PDE3B: variants seen among roughly 807,000 people sequenced by gnomAD.
PDE3B encodes the protein phosphodiesterase 3B.
Under a neutral mutation model 116.8 loss-of-function variants are expected in PDE3B, and 66 were observed. The observed-to-expected ratio is 0.56, with a 90% CI of 0.46 to 0.69. The LOEUF (loss-of-function observed/expected upper bound fraction) is 0.69. PDE3B is among the 30% of genes least tolerant of loss of function. PDE3B has a pLI of 0.00. For synonymous variants in PDE3B, 595 were observed against 533.6 expected (o/e 1.12, Z -1.59); for missense variants, 1,384 against 1,368.1 (o/e 1.01, Z -0.18).
the PDE3B span, among the ~76,000 whole-genome samples, chr11:14,895,377 CTT>C: frequency 3.7e-3 from 560 of 152,282 alleles, 6 homozygotes; most frequent in African/African-American, 0.013. Context: ...AATTTGATGT[CTT>C]GTTCGTAATG....
At chr11:14,804,450 T>C (rs970676024) in intron 5 of PDE3B, among the ~76,000 whole-genome samples, 3 of 151,940 alleles carry the variant, frequency 2.0e-5, no homozygotes, top group African/African-American at 7.2e-5. Flanking sequence ...AAAAACATTA[T>C]GATAGGAATT....
intron 1 of PDE3B, among the ~76,000 whole-genome samples, chr11:14,677,797 C>T (rs924767144): frequency 3.9e-5 from 6 of 152,146 alleles, no homozygotes; most frequent in Admixed American, 6.5e-5. Flanking sequence ...AGCATGTAAC[C>T]TTTTGAGACT....
At chr11:14,683,445 T>A (rs937562680) in intron 1 of PDE3B, among the ~76,000 whole-genome samples, 10 of 152,178 alleles carry the variant, frequency 6.6e-5, no homozygotes, top group Admixed American at 6.5e-4. Context: ...TCATCTAAGT[T>A]ACTGAATTTA....
chr11:14,824,218 G>A (rs1188041399), intron 7 of PDE3B, among the ~76,000 whole-genome samples: 1 of 152,176 alleles, frequency 6.6e-6, no homozygotes, highest in Non-Finnish European at 1.5e-5. Flanking sequence ...AAGAACCAAT[G>A]CAAGAACTCC....
At chr11:14,847,414 C>T (rs1354748978) in intron 12 of PDE3B, among the ~76,000 whole-genome samples, 1 of 151,458 alleles carries the variant, frequency 6.6e-6, no homozygotes, top group East Asian at 1.9e-4. Flanking sequence ...GACACCCTAA[C>T]ATCACAATTA....
At chr11:14,828,184 G>T (rs923387621) in intron 7 of PDE3B, among the ~76,000 whole-genome samples, 1 of 152,158 alleles carries the variant, frequency 6.6e-6, no homozygotes, top group Admixed American at 6.5e-5. Context: ...ATGGTTTAAA[G>T]ACTTAAATGT....
At chr11:14,649,999 G>A (rs1416774372) in intron 1 of PDE3B, among the ~76,000 whole-genome samples, 1 of 151,106 alleles carries the variant, frequency 6.6e-6, no homozygotes, top group African/African-American at 2.4e-5. Context: ...ACTTATTTAG[G>A]TTGTTGTTAT....
At chr11:14,766,857 A>G (rs1400938423) in intron 1 of PDE3B, among the ~76,000 whole-genome samples, 1 of 151,754 alleles carries the variant, frequency 6.6e-6, no homozygotes, top group Non-Finnish European at 1.5e-5. Flanking sequence ...GTTTTGTAGT[A>G]TGAATTTTTC....
At chr11:14,671,286 A>T (rs1854358690) in intron 1 of PDE3B, among the ~76,000 whole-genome samples, 1 of 152,168 alleles carries the variant, frequency 6.6e-6, no homozygotes, top group Non-Finnish European at 1.5e-5. Context: ...AGGAAGGGAA[A>T]GCCTCTCTGA....
At chr11:14,658,016 G>A (rs1407536997) in intron 1 of PDE3B, among the ~76,000 whole-genome samples, 1 of 152,160 alleles carries the variant, frequency 6.6e-6, no homozygotes, top group African/African-American at 2.4e-5. Flanking sequence ...AATAGGACCA[G>A]GAACATTTTC....
chr11:14,684,690 G>T (rs1424603793), intron 1 of PDE3B, among the ~76,000 whole-genome samples: 1 of 152,110 alleles, frequency 6.6e-6, no homozygotes, highest in African/African-American at 2.4e-5. Context: ...TAAGACACTT[G>T]CAGAGCAGCG....
chr11:14,891,646 C>T, the PDE3B span: 5 of 1,148,434 alleles, frequency 4.4e-6, no homozygotes, highest in Non-Finnish European at 5.4e-6. Context: ...ATGCGTCCAC[C>T]CTGGACCTGA....
chr11:14,835,025 G>C lies in PDE3B; in HGVS notation c.2250G>C (p.Trp750Cys). The C allele has an allele frequency of 6.2e-7, 1 of 1,613,376 alleles. No homozygotes were observed. Among genetic ancestry groups the C allele is most frequent in the Non-Finnish European group, 8.5e-7 (1 of 1,179,584 alleles). ...CCACAGATGTGCTACATGCAGTTTGGTATCTGACAACACGGCCAGTTCCTG... is the reference window on the plus strand; with the variant it reads ...CCACAGATGTGCTACATGCAGTTTGCTATCTGACAACACGGCCAGTTCCTG... ...IHATDVLHAV[W>C]YLTTRPVPGL... Residue 750 changes from tryptophan (W) to cysteine (C), a missense_variant, in exon 11 of 16, where the codon TGG becomes TGC. Physicochemically the swap from Trp to Cys is radical, Grantham distance 215. This residue lies in a region of PDE3B where 428 missense variants were observed against 561.4 expected (regional missense o/e 0.76). Coordinates refer to ENST00000282096, the MANE Select transcript of PDE3B (RefSeq NM_000922.4).
rs537258508 is a variant in PDE3B at position 14,765,506 on chromosome 11, G to T, written c.979-6431G>T. Among the ~76,000 whole-genome samples, 17 of 151,894 alleles carry T rather than the reference G, an allele frequency of 1.1e-4. No homozygotes were observed. The South Asian group carries it at 3.3e-3, about 30-fold the overall frequency. On this transcript the variant is annotated intron_variant, in intron 1 of 15. Transcript: ENST00000282096. Reference sequence around the variant, plus strand: ...AAAGAAAAAATGAATGTAAATAAAGGTGCAGTCTTGGGTACACCTAGATCA... The same window carrying T: ...AAAGAAAAAATGAATGTAAATAAAGTTGCAGTCTTGGGTACACCTAGATCA...
At chr11:14,711,614 C>A (rs1855704837) in intron 1 of PDE3B, among the ~76,000 whole-genome samples, 1 of 152,078 alleles carries the variant, frequency 6.6e-6, no homozygotes, top group Non-Finnish European at 1.5e-5. Context: ...ACAATCATAT[C>A]TCAAGAGAAC....
At chr11:14,697,234 G>C (rs1855232696) in intron 1 of PDE3B, among the ~76,000 whole-genome samples, 1 of 152,032 alleles carries the variant, frequency 6.6e-6, no homozygotes, top group African/African-American at 2.4e-5. Context: ...CACCACACCT[G>C]GCTACCTTTC....
chr11:14,876,707 A>G (rs1848193069), downstream of PDE3B, among the ~76,000 whole-genome samples: 1 of 152,176 alleles, frequency 6.6e-6, no homozygotes. Context: ...CTTTCTCTGT[A>G]TGGAGGTGAG....
At chr11:14,836,576 A>C (rs1860062575) in intron 11 of PDE3B, among the ~76,000 whole-genome samples, 1 of 152,192 alleles carries the variant, frequency 6.6e-6, no homozygotes, top group African/African-American at 2.4e-5. Context: ...TCTAGGTGCC[A>C]AAAGTCTGTA....
At chr11:14,715,821 T>C (rs1448554638) in intron 1 of PDE3B, among the ~76,000 whole-genome samples, 2 of 152,168 alleles carry the variant, frequency 1.3e-5, no homozygotes, top group Admixed American at 1.3e-4. Flanking sequence ...AGAGAGGGCA[T>C]TGCGACACTA....
Sources: allele counts gnomAD v4.1 joint callset (sites outside exome capture counted in the v4.1 genomes callset), GRCh38; gene constraint gnomAD v4.1.1; regional missense constraint gnomAD v4.1.1; transcripts MANE v1.5; gene names NCBI Gene and HGNC (gene_info 2026-07-23, HGNC 2026-07-21).